The following TTC7A variants were observed in gnomAD, a reference collection of about 807,000 sequenced individuals.
TTC7A encodes tetratricopeptide repeat domain 7A.
TTC7A carries 110 observed loss-of-function variants against 103.7 expected under a neutral mutation model. The ratio of observed to expected loss-of-function variants is 1.06; its 90% CI spans 0.91 to 1.24. The LOEUF (loss-of-function observed/expected upper bound fraction) is 1.24. Ranked by LOEUF, TTC7A falls within the 50% of genes most tolerant of loss-of-function variation. TTC7A has a pLI of 0.00. For synonymous variants in TTC7A, 521 were observed against 467.9 expected (o/e 1.11, Z -1.47); for missense variants, 1,340 against 1,116.3 (o/e 1.20, Z -2.86).
intron 19 of TTC7A, among the ~76,000 whole-genome samples, chr2:47,061,918 C>A (rs1445751097): frequency 2.0e-5 from 3 of 152,188 alleles, no homozygotes; most frequent in Non-Finnish European, 1.5e-5. Flanking sequence ...CAATCTTTCC[C>A]TCTTAGGGTC....
At chr2:46,971,133 T>C (rs939345061) in intron 3 of TTC7A, among the ~76,000 whole-genome samples, 4 of 152,194 alleles carry the variant, frequency 2.6e-5, no homozygotes, top group Non-Finnish European at 4.4e-5. Flanking sequence ...TGCCAGGTGG[T>C]AGAAAAGTAA....
intron 5 of TTC7A, among the ~76,000 whole-genome samples, chr2:46,985,217 C>G (rs762016008): frequency 2.0e-5 from 3 of 152,010 alleles, no homozygotes; most frequent in African/African-American, 7.3e-5. Flanking sequence ...TCCTGAGGCA[C>G]ATGTTTTGGT....
intron 15 of TTC7A, among the ~76,000 whole-genome samples, chr2:47,030,446 G>A (rs747000411): frequency 2.0e-5 from 3 of 152,160 alleles, no homozygotes; most frequent in Non-Finnish European, 4.4e-5. Context: ...TCCTTCAGAC[G>A]ACAGCACATA....
chr2:46,979,443 C>T (rs1355143389), intron 5 of TTC7A, among the ~76,000 whole-genome samples: 5 of 152,074 alleles, frequency 3.3e-5, no homozygotes, highest in South Asian at 2.1e-4. Flanking sequence ...TCCCTGCTGA[C>T]GAAGCAGCAG....
At chr2:46,951,815 G>A in intron 2 of TTC7A, 4 of 368,652 alleles carry the variant, frequency 1.1e-5, no homozygotes, top group South Asian at 8.2e-5. Flanking sequence ...AGGCAATCAA[G>A]ACGAATCCAG....
intron 14 of TTC7A, among the ~76,000 whole-genome samples, chr2:47,025,377 C>G (rs1034733646): frequency 6.6e-6 from 1 of 152,190 alleles, no homozygotes; most frequent in Non-Finnish European, 1.5e-5. Flanking sequence ...TCTAGGTACC[C>G]CGCTCCCCTG....
intron 3 of TTC7A, 120 bp from the exon 4 acceptor site, chr2:46,974,850 GCCT>G: frequency 7.5e-7 from 1 of 1,334,400 alleles, no homozygotes. Flanking sequence ...GCAGACCTCC[GCCT>G]CCTCCTGGCT....
At position 47,047,458 on chromosome 2, in the gene TTC7A, A is replaced by G. The variant is rs1161167731; in HGVS notation, c.1919+1027A>G. The G allele has an allele frequency of 9.4e-6, 6 of 637,736 alleles. No homozygotes were observed. The Admixed American group carries it at 1.9e-4, about 20-fold the overall frequency. The allele number at this position is 637,736 out of a possible 1,614,324, so 39.5% of individuals were successfully genotyped here. On this transcript the variant is annotated intron_variant, in intron 16 of 19. Coordinates refer to ENST00000319190, the MANE Select transcript of TTC7A (RefSeq NM_020458.4). ...CAGAAGGAGGCTCTGGGGTTGAGGG[A>G]CTTTTCAGAATGAGAATTTGAAGCC...
chr2:46,964,181 C>A (rs773327374), intron 3 of TTC7A, among the ~76,000 whole-genome samples: 39 of 152,188 alleles, frequency 2.6e-4, no homozygotes, highest in Admixed American at 3.9e-4. Flanking sequence ...AGTTGTGGGG[C>A]CTTCACAGGC....
chr2:47,008,752 T>A (rs1295808431), intron 10 of TTC7A, among the ~76,000 whole-genome samples: 2 of 152,168 alleles, frequency 1.3e-5, no homozygotes, highest in Non-Finnish European at 2.9e-5. Context: ...CCTGTATCTG[T>A]GATTATGCCC....
At chr2:46,950,327 G>A (rs755520897) in intron 1 of TTC7A, 36 bp from the exon 2 acceptor site, 5 of 1,611,260 alleles carry the variant, frequency 3.1e-6, no homozygotes, top group East Asian at 2.2e-5. Flanking sequence ...CGCCTTGTTC[G>A]GGGTTTGCTG....
At chr2:46,940,108 A>G (rs1300682140), upstream of TTC7A, among the ~76,000 whole-genome samples, 2 of 152,078 alleles carry the variant, frequency 1.3e-5, no homozygotes, top group Non-Finnish European at 2.9e-5. This position sits in a 1 kb window ranked among gnomAD's most constrained non-coding sequence, Gnocchi z 4.7. Context: ...GTGTGGCTTC[A>G]TGTGAAAGGC....
Position 46,995,202 on chromosome 2 carries a change from A to G in TTC7A, c.1065+3A>G. 6.2e-7 allele frequency: 1 copy of G among 1,613,950 alleles called. No homozygotes were observed. Among genetic ancestry groups the G allele is most frequent in the Non-Finnish European group, 8.5e-7 (1 of 1,179,928 alleles). On this transcript the variant is annotated splice_donor_region_variant and intron_variant, in intron 8 of 19. Transcript: ENST00000319190. ...TCCTCCTCATCAGCGAATCCATGGT[A>G]AGCTCCAGGATGTCCTTCAGGGGCC...
chr2:46,934,134 C>T (rs571893833), intron 2 of TTC7A, among the ~76,000 whole-genome samples: 1 of 152,224 alleles, frequency 6.6e-6, no homozygotes, highest in Non-Finnish European at 1.5e-5. Flanking sequence ...ACCATCTACA[C>T]CTAAGGTACT....
At chr2:47,072,033 T>G (rs1684778730) in intron 19 of TTC7A, among the ~76,000 whole-genome samples, 1 of 152,146 alleles carries the variant, frequency 6.6e-6, no homozygotes, top group African/African-American at 2.4e-5. Flanking sequence ...TGGCGGCCCG[T>G]CGGCTGGCCT....
rs974802060 is a variant in TTC7A at position 46,918,466 on chromosome 2, G to C, written c.82+1189G>C. On this transcript the variant is annotated intron_variant, in intron 2 of 20. Transcript: ENST00000409245. The stretch of plus-strand genomic sequence containing the variant: ...ATTCTTGCCCTACTGTAGTCCATAA[G>C]TGAGAAGCCACCTTTGATTAAGCCA... Among the ~76,000 whole-genome samples the C allele has an allele frequency of 3.9e-5, 6 of 152,198 alleles. No homozygotes were observed. In the East Asian group the frequency reaches 9.6e-4, roughly 24 times the overall value.
intron 14 of TTC7A, among the ~76,000 whole-genome samples, chr2:47,024,731 C>A (rs567538811): frequency 6.6e-6 from 1 of 152,168 alleles, no homozygotes; most frequent in African/African-American, 2.4e-5. Flanking sequence ...GGAGCTGTTG[C>A]ATGTTGGGCT....
At chr2:46,967,707 T>G (rs143001577) in intron 3 of TTC7A, among the ~76,000 whole-genome samples, 44 of 152,336 alleles carry the variant, frequency 2.9e-4, no homozygotes, top group African/African-American at 1.0e-3. Flanking sequence ...TTGTGAATAA[T>G]GCTGCTATAA....
At chr2:47,026,005 A>C (rs1021481976) in intron 14 of TTC7A, among the ~76,000 whole-genome samples, 2 of 152,206 alleles carry the variant, frequency 1.3e-5, no homozygotes, top group African/African-American at 4.8e-5. Flanking sequence ...TCAGTTATTC[A>C]TCCCTCTCTG....
Sources: gnomAD v4.1 joint callset for allele counts (sites outside exome capture counted in the v4.1 genomes callset) on GRCh38, gnomAD v4.1.1 for gene constraint, Gnocchi (gnomAD v3.1) non-coding constraint, MANE v1.5 for transcripts, NCBI Gene and HGNC (gene_info 2026-07-23, HGNC 2026-07-21) for gene names.